The following PLCL2 variants were observed in gnomAD, a reference collection of about 807,000 sequenced individuals.
PLCL2 encodes the protein inactive phospholipase C-like protein 2.
A neutral mutation model predicts 79.6 loss-of-function variants in PLCL2; 4 were observed. The observed-to-expected ratio is 0.05, with a 90% confidence interval of 0.02 to 0.11. The LOEUF (loss-of-function observed/expected upper bound fraction) is 0.11, where lower values mean the gene tolerates loss of function less well. PLCL2 is among the 10% of genes least tolerant of loss of function. The probability of loss-of-function intolerance (pLI) is 1.00; values close to 1 mark genes in which losing one functional copy is unlikely to be tolerated. For synonymous variants in PLCL2, 484 were observed against 457.7 expected, an observed-to-expected ratio of 1.06 and a Z score of -0.73; for missense variants, 895 against 1,291.0, an observed-to-expected ratio of 0.69 and a Z score of 4.70.
At chr3:16,942,253 TG>T in intron 1 of PLCL2, among the ~76,000 whole-genome samples, 1 of 152,220 alleles carries the variant, frequency 6.6e-6, no homozygotes, top group Non-Finnish European at 1.5e-5. Flanking sequence ...TTTTGTCAAA[TG>T]TGTATGTGCA....
At chr3:17,081,662 G>A (rs1162173803) in intron 5 of PLCL2, 5 of 160,850 alleles carry the variant, frequency 3.1e-5, no homozygotes. Context: ...CGAGGGTTGA[G>A]CACAGCTGGG....
In PLCL2 at chr3:17,009,823, T is replaced by C; in HGVS notation, c.477T>C (p.Tyr159=). ...AGGTTCGCTCCAACTCTAGAATTTATCATAGGTACTTTTTACTGGATGCTG... is the reference window on the plus strand; with the variant it reads ...AGGTTCGCTCCAACTCTAGAATTTACCATAGGTACTTTTTACTGGATGCTG... ...LKKVRSNSRI[Y]HRYFLLDADM... is the part of the protein sequence containing the mutation. The change falls in exon 2 of 6, where the codon TAT becomes TAC. Residue 159 remains tyrosine (Y), a synonymous_variant. Transcript: ENST00000615277. This position sits in a 1 kb window ranked among gnomAD's most constrained non-coding sequence, Gnocchi z 4.0. 6.2e-7 allele frequency: 1 copy of C among 1,613,822 alleles called. No individual in the cohort carries two copies. The highest frequency in any genetic ancestry group is 8.5e-7 in the Non-Finnish European group (1 of 1,179,758).
chr3:16,926,422 G>A (rs1697251292), intron 1 of PLCL2, among the ~76,000 whole-genome samples: 1 of 152,086 alleles, frequency 6.6e-6, no homozygotes, highest in Admixed American at 6.5e-5. Flanking sequence ...TTAGAATGAG[G>A]TCATGTATGC....
intron 5 of PLCL2, among the ~76,000 whole-genome samples, chr3:17,077,832 A>G (rs1020728933): frequency 2.0e-5 from 3 of 152,190 alleles, no homozygotes; most frequent in Non-Finnish European, 4.4e-5. Flanking sequence ...GTCCAGCCTC[A>G]TGACAATAGC....
chr3:17,059,112 G>A (rs1036672573), intron 4 of PLCL2, among the ~76,000 whole-genome samples: 14 of 152,236 alleles, frequency 9.2e-5, no homozygotes, highest in Middle Eastern at 3.4e-3. Context: ...TATGTGCAAA[G>A]GTTTTTGTTG....
At position 17,021,461 on chromosome 3, in the gene PLCL2, T is replaced by C. The variant is rs150142978; in HGVS notation, c.3018+6550T>C. ...CACACAGTGATCGGGAGCTGGGAGATTGAGAAACCTTTGGGAGATTGTGCT... is the reference window on the plus strand; with the variant it reads ...CACACAGTGATCGGGAGCTGGGAGACTGAGAAACCTTTGGGAGATTGTGCT... On this transcript the variant is annotated intron_variant, in intron 3 of 5. Transcript: ENST00000615277. Among the ~76,000 whole-genome samples the C allele has an allele frequency of 5.0e-3, 756 of 152,188 alleles. 6 individuals carry two copies. Among genetic ancestry groups the C allele is most frequent in the African/African-American group, 0.017 (692 of 41,534 alleles).
chr3:16,986,946 T>G (rs1390202787), intron 1 of PLCL2, among the ~76,000 whole-genome samples: 4 of 151,984 alleles, frequency 2.6e-5, no homozygotes, highest in African/African-American at 9.7e-5. Context: ...TCTCTTTGCT[T>G]TATAAATAGA....
At chr3:17,027,457 G>A (rs1014177620) in intron 3 of PLCL2, among the ~76,000 whole-genome samples, 7 of 152,138 alleles carry the variant, frequency 4.6e-5, no homozygotes, top group South Asian at 2.1e-4. Context: ...GGGTAGTTGC[G>A]ACAGAAACTA....
rs1156820235 is a variant in PLCL2, at chr3:17,037,877, CAG to C, written c.3019-4995_3019-4994del. 4.6e-5 allele frequency among the ~76,000 whole-genome samples: 7 copies of C among 151,962 alleles called. No individual in the cohort carries two copies. The South Asian group carries it at 8.3e-4, about 18-fold the overall frequency. On this transcript the variant is annotated intron_variant, in intron 3 of 5. Transcript: ENST00000615277. ...CCTAGTTGATAAGCAAGTTTCAAAA[CAG>C]AATATGAAGGAGCAGTCTATAGAAA...
intron 4 of PLCL2, among the ~76,000 whole-genome samples, chr3:17,065,745 G>A (rs1427264199): frequency 2.0e-5 from 3 of 152,156 alleles, no homozygotes; most frequent in South Asian, 2.1e-4. Context: ...GTGGTCCTGC[G>A]TTAGTTAACA....
chr3:16,885,259 A>G lies in PLCL2; in HGVS notation c.220A>G (p.Arg74Gly), dbSNP rs1158404515. 1.5e-6 allele frequency: 1 copy of G among 667,344 alleles called. No individual in the cohort carries two copies. Among genetic ancestry groups the G allele is most frequent in the South Asian group, 1.5e-5 (1 of 64,616 alleles). The allele number at this position is 667,344 out of a possible 1,614,324, so 41.3% of individuals were successfully genotyped here. A position where few individuals can be genotyped will look rare whatever the true frequency, so the allele number is the denominator to read the frequency against. Residue 74 changes from arginine to glycine, a missense_variant, in exon 1 of 6, where the codon AGG (arginine) becomes GGG (glycine). Physicochemically the swap from Arg to Gly is moderately radical, Grantham distance 125 (BLOSUM62 -2). This residue lies in a region of PLCL2 where 110 missense variants were observed against 42.9 expected (regional missense o/e 2.56). Transcript: ENST00000615277. ...SGDEARASPTRGPRGVALAPT... is the reference protein window; with the variant it reads ...SGDEARASPTGGPRGVALAPT... The stretch of plus-strand genomic sequence containing the variant: ...GGACGAAGCCCGGGCTAGCCCTACC[A>G]GGGGACCCCGCGGCGTTGCGCTCGC...
chr3:16,904,319 C>G (rs911686176), intron 1 of PLCL2, among the ~76,000 whole-genome samples: 1 of 137,288 alleles, frequency 7.3e-6, no homozygotes, highest in Admixed American at 7.2e-5. Context: ...AAAAAAAAAG[C>G]AAACTTTGGA....
At chr3:16,897,006 C>A (rs1021320233) in intron 1 of PLCL2, among the ~76,000 whole-genome samples, 1 of 152,154 alleles carries the variant, frequency 6.6e-6, no homozygotes, top group African/African-American at 2.4e-5. Context: ...GGGTTCTCGA[C>A]TTCCCTGTGT....
chr3:17,048,201 A>G (rs2064801246), intron 4 of PLCL2, among the ~76,000 whole-genome samples: 1 of 152,078 alleles, frequency 6.6e-6, no homozygotes, highest in Non-Finnish European at 1.5e-5. Context: ...TGCCCAACAT[A>G]GTAAAGAAAA....
Position 17,010,637 on chromosome 3 carries a change from C to T in PLCL2, c.1291C>T (p.Pro431Ser). 1.2e-6 allele frequency: 2 copies of T among 1,613,924 alleles called. No homozygotes were observed. The highest frequency in any genetic ancestry group is 1.7e-6 in the Non-Finnish European group (2 of 1,179,798). The change falls in exon 2 of 6, where the codon CCT becomes TCT. Residue 431 changes from proline to serine, a missense_variant. Around this residue, in one of 6 missense-constraint regions of PLCL2, gnomAD observed 242 missense variants for 399.5 expected, o/e 0.61. Coordinates refer to ENST00000615277, the MANE Select transcript of PLCL2 (RefSeq NM_001144382.2). This position sits in a 1 kb window ranked among gnomAD's most constrained non-coding sequence, Gnocchi z 5.8. ...GAAGGTCTGTCAGGATATGAAGCAA[C>T]CTCTGTCTCATTACTTTATAAACTC... Reference protein sequence around the residue: ...HKKVCQDMKQPLSHYFINSSH... With the variant: ...HKKVCQDMKQSLSHYFINSSH...
chr3:17,013,028 C>G (rs1379494098), intron 2 of PLCL2, among the ~76,000 whole-genome samples: 1 of 152,154 alleles, frequency 6.6e-6, no homozygotes, highest in African/African-American at 2.4e-5. Context: ...TCAACTAATT[C>G]TATGTGTACT....
chr3:17,063,915 T>C (rs2064982507), intron 4 of PLCL2, among the ~76,000 whole-genome samples: 1 of 152,004 alleles, frequency 6.6e-6, no homozygotes, highest in Non-Finnish European at 1.5e-5. Flanking sequence ...GGAGAGGGAG[T>C]GTGACTTAGT....
In PLCL2 at chr3:17,066,009, T is replaced by C. The variant is rs150993251; in HGVS notation, c.3095-1947T>C. Among the ~76,000 whole-genome samples, 273 of 152,304 alleles carry C rather than the reference T, an allele frequency of 1.8e-3. 1 individual carries two copies. Among genetic ancestry groups the C allele is most frequent in the Middle Eastern group, 3.4e-3 (1 of 294 alleles). On this transcript the variant is annotated intron_variant, in intron 4 of 5. Coordinates refer to ENST00000615277, the MANE Select transcript of PLCL2 (RefSeq NM_001144382.2). ...CCAGAACTCTTGCTGAAGTCCAGTATTAAAACTTAGAAAAGCCAAGCACAT... is the reference window on the plus strand; with the variant it reads ...CCAGAACTCTTGCTGAAGTCCAGTACTAAAACTTAGAAAAGCCAAGCACAT...
chr3:17,063,329 TAGAC>T (rs2064975178), intron 4 of PLCL2, among the ~76,000 whole-genome samples: 1 of 101,032 alleles, frequency 9.9e-6, no homozygotes, highest in Admixed American at 1.1e-4. Context: ...TTTTTTAGGA[TAGAC>T]AGTCTTACAG....
Sources: gnomAD v4.1 joint callset for allele counts (sites outside exome capture counted in the v4.1 genomes callset) on GRCh38, gnomAD v4.1.1 for gene constraint, gnomAD v4.1.1 regional missense constraint, Gnocchi (gnomAD v3.1) non-coding constraint, MANE v1.5 for transcripts, NCBI Gene and HGNC (gene_info 2026-07-23, HGNC 2026-07-21) for gene names.